MAP4K4: variants seen among roughly 807,000 people sequenced by gnomAD.
The protein encoded by MAP4K4 is HPK/GCK-like kinase HGK.
In MAP4K4, 38 loss-of-function variants were observed where a neutral mutation model predicts 189.6. That is an observed-to-expected ratio of 0.20 (90% CI 0.15 to 0.26). The LOEUF is 0.26. Ranked by LOEUF, MAP4K4 falls within the 10% of genes least tolerant of loss-of-function variation. The pLI is 1.00. For missense variants in MAP4K4, 1,054 were observed against 1,726.9 expected, an observed-to-expected ratio of 0.61 and a Z score of 6.91; for synonymous variants, 610 against 624.3, an observed-to-expected ratio of 0.98 and a Z score of 0.34.
intron 11 of MAP4K4, among the ~76,000 whole-genome samples, chr2:101,843,642 C>G (rs1471547728): frequency 1.3e-5 from 2 of 151,956 alleles, no homozygotes; most frequent in Admixed American, 6.6e-5. Flanking sequence ...CGCTTGGGCT[C>G]AGCTGCTGAC....
chr2:101,735,040 C>A lies in MAP4K4; in HGVS notation c.123+36502C>A, dbSNP rs1432862245. ...ACCAGACTGAAATTGTACTACCTCG[C>A]CTCTCACTGGTTAGAACTTAACATT... On this transcript the variant is annotated intron_variant, in intron 2 of 32. Coordinates refer to ENST00000324219, the Ensembl canonical transcript of MAP4K4. Among the ~76,000 whole-genome samples, 3 of 149,948 alleles carry A rather than the reference C, an allele frequency of 2.0e-5. No individual in the cohort carries two copies. In the East Asian group the frequency reaches 5.8e-4, roughly 29 times the overall value.
At chr2:101,758,427 C>T (rs533857490) in intron 2 of MAP4K4, among the ~76,000 whole-genome samples, 7 of 152,252 alleles carry the variant, frequency 4.6e-5, no homozygotes, top group Middle Eastern at 3.4e-3. Flanking sequence ...TAGATATACT[C>T]GGATGTTTTT....
chr2:101,722,977 C>T (rs944581120), intron 2 of MAP4K4, among the ~76,000 whole-genome samples: 1 of 152,166 alleles, frequency 6.6e-6, no homozygotes, highest in African/African-American at 2.4e-5. Context: ...CTCACAGTTC[C>T]ACATGGCTGG....
At chr2:101,736,693 C>A (rs2060386933) in intron 2 of MAP4K4, among the ~76,000 whole-genome samples, 1 of 152,030 alleles carries the variant, frequency 6.6e-6, no homozygotes, top group African/African-American at 2.4e-5. Flanking sequence ...TGCAGTGTGC[C>A]CTTTAGGACC....
intron 32 of MAP4K4, among the ~76,000 whole-genome samples, chr2:101,889,574 G>T (rs2098536209): frequency 6.6e-6 from 1 of 152,096 alleles, no homozygotes. Context: ...GATGGCCAGG[G>T]GCGTTGACCC....
At chr2:101,811,674 C>G in intron 3 of MAP4K4, among the ~76,000 whole-genome samples, 1 of 152,168 alleles carries the variant, frequency 6.6e-6, no homozygotes, top group Non-Finnish European at 1.5e-5. Flanking sequence ...GCCGGTGCCC[C>G]ACATGGTGTT....
intron 2 of MAP4K4, among the ~76,000 whole-genome samples, chr2:101,706,853 A>G (rs898676888): frequency 6.6e-6 from 1 of 152,206 alleles, no homozygotes. Flanking sequence ...AAGTCCTTGT[A>G]TGGCTGAAAA....
chr2:101,711,351 T>G (rs1325893845), intron 2 of MAP4K4, among the ~76,000 whole-genome samples: 1 of 151,862 alleles, frequency 6.6e-6, no homozygotes, highest in Admixed American at 6.6e-5. Context: ...GCCTCCAGGG[T>G]TCAAGCAATT....
intron 9 of MAP4K4, among the ~76,000 whole-genome samples, chr2:101,839,300 G>A (rs192315755): frequency 1.1e-3 from 163 of 152,324 alleles, no homozygotes; most frequent in African/African-American, 3.5e-3. Context: ...ACCTTTGTAG[G>A]TTAAACAGAG....
chr2:101,885,330 A>G (rs76148135), intron 29 of MAP4K4, 43 bp downstream of exon 29: 1 of 1,150,060 alleles, frequency 8.7e-7, no homozygotes, highest in Admixed American at 2.2e-5. Flanking sequence ...TGGCCATTCA[A>G]GCTGCAACCA....
chr2:101,820,857 C>A (rs754578413), intron 3 of MAP4K4, among the ~76,000 whole-genome samples: 1 of 152,192 alleles, frequency 6.6e-6, no homozygotes, highest in East Asian at 1.9e-4. Flanking sequence ...CTGCTCGTTA[C>A]ACTGTGCATG....
At chr2:101,844,285 A>G in exon 12 of MAP4K4, 1 of 1,566,876 alleles carries the variant, frequency 6.4e-7, no homozygotes, top group Non-Finnish European at 8.7e-7. Flanking sequence ...TGAGCAGCAG[A>G]AAGAACAGAG....
At chr2:101,821,168 A>G (rs1386531299) in intron 3 of MAP4K4, among the ~76,000 whole-genome samples, 1 of 152,154 alleles carries the variant, frequency 6.6e-6, no homozygotes, top group Non-Finnish European at 1.5e-5. Context: ...ATTTGGTAGG[A>G]CTTTCCTATA....
chr2:101,820,000 A>G (rs777402042), intron 3 of MAP4K4, among the ~76,000 whole-genome samples: 11 of 152,188 alleles, frequency 7.2e-5, no homozygotes, highest in Non-Finnish European at 1.5e-4. Flanking sequence ...ACAATATGGA[A>G]TTTAAGAGTA....
intron 2 of MAP4K4, among the ~76,000 whole-genome samples, chr2:101,750,453 A>T (rs1297809936): frequency 1.4e-5 from 2 of 146,428 alleles, no homozygotes; most frequent in Non-Finnish European, 1.5e-5. Context: ...AGGTGGGAAT[A>T]GAACAATGAG....
intron 2 of MAP4K4, among the ~76,000 whole-genome samples, chr2:101,698,814 AAAAT>A (rs1248227627): frequency 7.9e-5 from 12 of 152,216 alleles, no homozygotes; most frequent in African/African-American, 2.9e-4. Context: ...GCATTTTTTA[AAAAT>A]AAGACAACCT....
intron 2 of MAP4K4, among the ~76,000 whole-genome samples, chr2:101,721,067 A>G (rs939050819): frequency 1.3e-5 from 2 of 152,228 alleles, no homozygotes; most frequent in African/African-American, 2.4e-5. Context: ...TCTTCCAGTT[A>G]TTTGAAAGTA....
intron 24 of MAP4K4, 77 bp from the exon 25 acceptor site, chr2:101,873,570 G>A (rs965611890): frequency 7.7e-6 from 6 of 781,100 alleles, no homozygotes; most frequent in African/African-American, 5.1e-5. Flanking sequence ...CAATATAGAA[G>A]TGAATTGAAA....
intron 28 of MAP4K4, among the ~76,000 whole-genome samples, chr2:101,884,014 A>T (rs1371487849): frequency 2.0e-5 from 3 of 152,232 alleles, no homozygotes; most frequent in Non-Finnish European, 4.4e-5. Flanking sequence ...GATGAAATGT[A>T]CATGAATAGA....
Sources: allele counts gnomAD v4.1 joint callset (sites outside exome capture counted in the v4.1 genomes callset), GRCh38; gene constraint gnomAD v4.1.1; transcripts MANE v1.5; gene names NCBI Gene and HGNC (gene_info 2026-07-23, HGNC 2026-07-21).